The following VWA5B1 variants were observed in gnomAD, a reference collection of about 807,000 sequenced individuals.
VWA5B1 encodes the protein von Willebrand factor A domain-containing protein 5B1.
In VWA5B1, 115 loss-of-function variants were observed where a neutral mutation model predicts 118.2. The observed-to-expected ratio is 0.97, with a 90% CI of 0.84 to 1.14. The LOEUF is 1.14. Ranked by LOEUF, VWA5B1 falls within the 50% of genes most tolerant of loss-of-function variation. The probability of loss-of-function intolerance (pLI) is 0.00; values close to 1 mark genes in which losing one functional copy is unlikely to be tolerated. For synonymous variants in VWA5B1, 682 were observed against 658.4 expected (o/e 1.04, Z -0.55); for missense variants, 1,596 against 1,603.8 (o/e 1.00, Z 0.08).
intron 1 of VWA5B1, among the ~76,000 whole-genome samples, chr1:20,304,473 C>G (rs189925433): frequency 5.3e-5 from 8 of 152,068 alleles, no homozygotes; most frequent in South Asian, 2.1e-4. Context: ...ATGGGGAGAG[C>G]CTTGAATGCC....
At chr1:20,328,665 T>C (rs1170424429) in intron 9 of VWA5B1, among the ~76,000 whole-genome samples, 1 of 152,140 alleles carries the variant, frequency 6.6e-6, no homozygotes, top group Non-Finnish European at 1.5e-5. Flanking sequence ...CTCAGCTACT[T>C]GGGAGGTTGA....
Position 20,353,956 on chromosome 1 carries a change from G to A in VWA5B1, c.3341G>A (p.Ser1114Asn). ...CCGCCTAGGCACCCGTCCTGTGACAGCTTCTCCCTGGAGCCTCTGGCCAAG... is the reference window on the plus strand; with the variant it reads ...CCGCCTAGGCACCCGTCCTGTGACAACTTCTCCCTGGAGCCTCTGGCCAAG... Reference protein sequence around the residue: ...SSPPRHPSCDSFSLEPLAKGK... With the variant: ...SSPPRHPSCDNFSLEPLAKGK... Residue 1114 changes from serine to asparagine, a missense_variant, in exon 22 of 22, where the codon AGC becomes AAC. Transcript: ENST00000289815. The A allele has an allele frequency of 6.4e-7, 1 of 1,551,624 alleles. No individual in the cohort carries two copies. Among genetic ancestry groups the A allele is most frequent in the South Asian group, 1.2e-5 (1 of 84,044 alleles).
At chr1:20,300,164 C>A (rs565253804) in intron 1 of VWA5B1, among the ~76,000 whole-genome samples, 1 of 152,314 alleles carries the variant, frequency 6.6e-6, no homozygotes, top group Admixed American at 6.5e-5. Context: ...TGAGGATGAG[C>A]TGCTTCATAG....
intron 14 of VWA5B1, chr1:20,338,088 T>C (rs554438981): frequency 1.8e-4 from 117 of 648,390 alleles, no homozygotes; most frequent in Non-Finnish European, 2.9e-4. Flanking sequence ...CATTTGCATG[T>C]GCTCTTTCAT....
At position 20,359,455 on chromosome 1, in the gene VWA5B1, G is replaced by A. The variant is rs115344969; in HGVS notation, c.*5192G>A. 5.7e-3 allele frequency among the ~76,000 whole-genome samples: 863 copies of A among 152,226 alleles called. 11 individuals are homozygous for A. Among genetic ancestry groups the A allele is most frequent in the African/African-American group, 0.02 (829 of 41,530 alleles). On this transcript the variant is annotated 3_prime_UTR_variant, in exon 22 of 22. Transcript: ENST00000289815. The stretch of plus-strand genomic sequence containing the variant: ...GTGTGTGTCTGTTCTCAAAGAAATG[G>A]CTTCTTTGTACATGGTGGCTACCAT...
intron 4 of VWA5B1, among the ~76,000 whole-genome samples, chr1:20,317,049 G>C (rs548599789): frequency 1.3e-5 from 2 of 151,334 alleles, no homozygotes; most frequent in Non-Finnish European, 2.9e-5. Context: ...CCAGCTACTC[G>C]GGAGGCTGAG....
At chr1:20,318,903 G>C (rs959979123) in intron 6 of VWA5B1, among the ~76,000 whole-genome samples, 182 bp downstream of exon 6, 2 of 152,110 alleles carry the variant, frequency 1.3e-5, no homozygotes, top group Admixed American at 6.5e-5. Flanking sequence ...GGCTCTAGCT[G>C]GTGGAATCGA....
chr1:20,350,981 G>C lies in VWA5B1; in HGVS notation c.3023+55G>C, dbSNP rs2090118148. On this transcript the variant is annotated intron_variant, in intron 20 of 21. Transcript: ENST00000289815. Reference sequence around the variant, plus strand: ...CTCCTGCCACCCATTTTCCTGGGGTGGTCCCTGGGGTTTTCCCTGACTTGG... The same window carrying C: ...CTCCTGCCACCCATTTTCCTGGGGTCGTCCCTGGGGTTTTCCCTGACTTGG... The C allele has an allele frequency of 8.6e-6, 13 of 1,516,836 alleles. No homozygotes were observed. In the Admixed American group the frequency reaches 2.6e-4, roughly 30 times the overall value. The allele number at this position is 1,516,836 out of a possible 1,614,324, so 94.0% of individuals were successfully genotyped here.
chr1:20,337,740 G>A lies in VWA5B1; in HGVS notation c.2037G>A (p.Met679Ile). 1.9e-6 allele frequency: 3 copies of A among 1,551,730 alleles called. No individual in the cohort carries two copies. The highest frequency in any genetic ancestry group is 4.9e-5 in the East Asian group (2 of 40,904). ...LPRATMASDPMPAAKRYPLRK... is the reference protein window; with the variant it reads ...LPRATMASDPIPAAKRYPLRK... ...GAGCCACCATGGCAAGTGACCCCAT[G>A]CCAGCTGCCAAGAGATACCCACTGC... Residue 679 changes from methionine (M) to isoleucine (I), a missense_variant, in exon 14 of 22, where the codon ATG becomes ATA. Coordinates refer to ENST00000289815, the MANE Select transcript of VWA5B1 (RefSeq NM_001039500.3).
rs1479979088 is a variant in VWA5B1 at position 20,319,526 on chromosome 1, G to C, written c.966+20G>C. 7 of 1,550,968 alleles carry C rather than the reference G, an allele frequency of 4.5e-6. No individual in the cohort carries two copies. The highest frequency in any genetic ancestry group is 5.2e-6 in the Non-Finnish European group (6 of 1,146,882). ...CGGAAGGTGAGGGCAACTGAGGTGG[G>C]GAGCGGACGGTGGCAGAGTTGGGGT... On this transcript the variant is annotated intron_variant, in intron 7 of 21. Coordinates refer to ENST00000289815, the MANE Select transcript of VWA5B1 (RefSeq NM_001039500.3).
chr1:20,310,847 C>G, intron 2 of VWA5B1, 107 bp downstream of exon 2: 1 of 1,373,652 alleles, frequency 7.3e-7, no homozygotes, highest in East Asian at 2.7e-5. Flanking sequence ...TGCCACCCCT[C>G]CGAGTCTGTT....
chr1:20,340,586 C>G (rs1450156487), intron 14 of VWA5B1, among the ~76,000 whole-genome samples: 2 of 152,224 alleles, frequency 1.3e-5, no homozygotes, highest in African/African-American at 4.8e-5. Flanking sequence ...AAAACTGTTA[C>G]ACCTGGTAAG....
intron 18 of VWA5B1, among the ~76,000 whole-genome samples, chr1:20,348,582 TCTTTGC>T (rs1311945399): frequency 6.6e-6 from 1 of 152,046 alleles, no homozygotes; most frequent in African/African-American, 2.4e-5. Flanking sequence ...CACAGTTCTC[TCTTTGC>T]CAGGGAGCGG....
chr1:20,353,124 TATGGCCAAA>T (rs752139422), intron 21 of VWA5B1, among the ~76,000 whole-genome samples: 10 of 152,168 alleles, frequency 6.6e-5, no homozygotes, highest in Admixed American at 1.3e-4. Flanking sequence ...GATGAGGAGA[TATGGCCAAA>T]GGCCTCCAGA....
intron 1 of VWA5B1, among the ~76,000 whole-genome samples, chr1:20,301,795 A>G (rs1229418653): frequency 6.6e-6 from 1 of 152,194 alleles, no homozygotes; most frequent in Admixed American, 6.5e-5. Context: ...ACATGCCCCC[A>G]GAAAGGTGGG....
At chr1:20,337,089 G>A (rs1260832094) in intron 13 of VWA5B1, among the ~76,000 whole-genome samples, 1 of 151,902 alleles carries the variant, frequency 6.6e-6, no homozygotes, top group African/African-American at 2.4e-5. Context: ...CACACAATTG[G>A]CTTCTGATCT....
At chr1:20,303,766 C>A (rs1235871884) in intron 1 of VWA5B1, among the ~76,000 whole-genome samples, 1 of 152,158 alleles carries the variant, frequency 6.6e-6, no homozygotes, top group Non-Finnish European at 1.5e-5. Context: ...GGCATGAGGG[C>A]CTTCTCCTTG....
At chr1:20,304,570 C>A (rs764929639) in intron 1 of VWA5B1, among the ~76,000 whole-genome samples, 29 of 151,528 alleles carry the variant, frequency 1.9e-4, no homozygotes, top group Non-Finnish European at 3.4e-4. Context: ...TGTGTGTGCA[C>A]GTGCGTGCAT....
chr1:20,309,754 G>C (rs1466238546), intron 1 of VWA5B1, among the ~76,000 whole-genome samples: 5 of 152,136 alleles, frequency 3.3e-5, no homozygotes, highest in African/African-American at 1.2e-4. Flanking sequence ...ATGGATTCTT[G>C]GGCAAGAGTA....
Sources: allele counts gnomAD v4.1 joint callset (sites outside exome capture counted in the v4.1 genomes callset), GRCh38; gene constraint gnomAD v4.1.1; transcripts MANE v1.5; gene names NCBI Gene and HGNC (gene_info 2026-07-23, HGNC 2026-07-21).